PHACTR1: variants seen among roughly 807,000 people sequenced by gnomAD.
The protein encoded by PHACTR1 is phosphatase and actin regulator 1.
A neutral mutation model predicts 69.2 loss-of-function variants in PHACTR1; 16 were observed. That is an observed-to-expected ratio of 0.23 (90% CI 0.16 to 0.35). PHACTR1 has a LOEUF of 0.35. Among genes scored for constraint, PHACTR1 ranks in the 10% least tolerant of loss-of-function variants. The probability of loss-of-function intolerance (pLI) is 1.00; values close to 1 mark genes in which losing one functional copy is unlikely to be tolerated. For synonymous variants in PHACTR1, 312 were observed against 284.5 expected (o/e 1.10, Z -0.97); for missense variants, 510 against 734.7 (o/e 0.69, Z 3.54).
At chr6:13,226,739 A>ATTT (rs34995550) in intron 8 of PHACTR1, among the ~76,000 whole-genome samples, 1 of 141,296 alleles carries the variant, frequency 7.1e-6, no homozygotes, top group Non-Finnish European at 1.5e-5. Context: ...ACTTGTATAG[A>ATTT]TTTTTTTTTT....
intron 4 of PHACTR1, among the ~76,000 whole-genome samples, chr6:12,827,023 C>T (rs1776874644): frequency 6.6e-6 from 1 of 152,182 alleles, no homozygotes; most frequent in Admixed American, 6.5e-5. Flanking sequence ...CTGTGGGATA[C>T]CCACTTTCCC....
At chr6:13,054,134 C>A (rs912924154) in intron 5 of PHACTR1, among the ~76,000 whole-genome samples, 2 of 152,204 alleles carry the variant, frequency 1.3e-5, no homozygotes, top group South Asian at 2.1e-4. Context: ...GGATTTGAAT[C>A]CCAAATCTGA....
At chr6:13,022,722 A>T (rs1340279450) in intron 4 of PHACTR1, among the ~76,000 whole-genome samples, 1 of 151,862 alleles carries the variant, frequency 6.6e-6, no homozygotes, top group Non-Finnish European at 1.5e-5. Flanking sequence ...CTGTAAATAG[A>T]AAGTATCTCT....
chr6:13,049,747 A>T (rs1414941304), intron 4 of PHACTR1, among the ~76,000 whole-genome samples: 1 of 152,222 alleles, frequency 6.6e-6, no homozygotes, highest in African/African-American at 2.4e-5. Flanking sequence ...AATATAAAAA[A>T]TAGGTTATTT....
intron 6 of PHACTR1, 42 bp downstream of exon 6, chr6:13,160,326 G>T (rs1344974591): frequency 1.3e-6 from 2 of 1,535,806 alleles, no homozygotes; most frequent in Admixed American, 3.3e-5. Flanking sequence ...AAAGAGTCAT[G>T]CGTGGAATCT....
At chr6:13,042,166 A>G (rs1415602542) in intron 4 of PHACTR1, among the ~76,000 whole-genome samples, 1 of 152,254 alleles carries the variant, frequency 6.6e-6, no homozygotes, top group Non-Finnish European at 1.5e-5. Flanking sequence ...ATAGTCATAT[A>G]TAGAGAAACA....
chr6:13,214,949 A>G (rs1767441286), intron 8 of PHACTR1, among the ~76,000 whole-genome samples: 1 of 152,232 alleles, frequency 6.6e-6, no homozygotes, highest in Admixed American at 6.5e-5. Context: ...TGGGCCTTAA[A>G]AATGAAAAAA....
At chr6:13,184,071 G>T (rs1280343795) in intron 7 of PHACTR1, among the ~76,000 whole-genome samples, 1 of 152,234 alleles carries the variant, frequency 6.6e-6, no homozygotes, top group Non-Finnish European at 1.5e-5. Flanking sequence ...TTGATTTAAA[G>T]CATCCCTTGC....
intron 4 of PHACTR1, among the ~76,000 whole-genome samples, chr6:12,764,456 T>C (rs1399665552): frequency 6.6e-6 from 1 of 152,228 alleles, no homozygotes; most frequent in African/African-American, 2.4e-5. Context: ...TTGTGGTTTT[T>C]CTTGGTGACT....
At chr6:13,041,301 A>G (rs1429383770) in intron 4 of PHACTR1, among the ~76,000 whole-genome samples, 1 of 149,956 alleles carries the variant, frequency 6.7e-6, no homozygotes, top group East Asian at 2.0e-4. Flanking sequence ...TAATCAAAAC[A>G]AGTCCAAGTT....
At chr6:13,236,611 T>C (rs1772029467) in intron 10 of PHACTR1, among the ~76,000 whole-genome samples, 1 of 152,120 alleles carries the variant, frequency 6.6e-6, no homozygotes, top group Non-Finnish European at 1.5e-5. Context: ...TCTCCCTCTG[T>C]GTGTATCTCT....
At chr6:13,230,793 G>T (rs1770764674) in intron 10 of PHACTR1, among the ~76,000 whole-genome samples, 1 of 114,180 alleles carries the variant, frequency 8.8e-6, no homozygotes, top group South Asian at 2.5e-4. Context: ...AAAGTGGGCA[G>T]ACTGTTTGAG....
intron 4 of PHACTR1, among the ~76,000 whole-genome samples, chr6:13,004,336 G>A (rs1222174078): frequency 6.6e-6 from 1 of 151,934 alleles, no homozygotes; most frequent in African/African-American, 2.4e-5. Flanking sequence ...GGTGTGAGAT[G>A]GTATCTTACT....
intron 4 of PHACTR1, among the ~76,000 whole-genome samples, chr6:12,877,695 G>T (rs1461744211): frequency 2.0e-5 from 3 of 152,116 alleles, no homozygotes; most frequent in Non-Finnish European, 4.4e-5. Flanking sequence ...CTTCTTGATT[G>T]TCCATCTGGC....
chr6:13,132,515 T>C (rs1820624606), intron 5 of PHACTR1, among the ~76,000 whole-genome samples: 1 of 152,170 alleles, frequency 6.6e-6, no homozygotes, highest in African/African-American at 2.4e-5. Flanking sequence ...GTTTGTGACA[T>C]AGTGATGGTG....
chr6:13,069,710 C>T (rs1237844006), intron 5 of PHACTR1, among the ~76,000 whole-genome samples: 2 of 152,108 alleles, frequency 1.3e-5, no homozygotes, highest in East Asian at 1.9e-4. Context: ...AATGTCATAT[C>T]GGTTGACTGC....
chr6:12,947,659 T>C (rs566849181), intron 4 of PHACTR1, among the ~76,000 whole-genome samples: 13 of 152,216 alleles, frequency 8.5e-5, no homozygotes, highest in South Asian at 8.3e-4. Flanking sequence ...GGGAAAGAAA[T>C]GGTAGATCTT....
intron 5 of PHACTR1, among the ~76,000 whole-genome samples, chr6:13,055,416 A>T (rs2127740247): frequency 6.6e-6 from 1 of 152,338 alleles, no homozygotes; most frequent in East Asian, 1.9e-4. Context: ...TACTTAGGTC[A>T]TTGTCTCAGA....
chr6:12,901,150 C>T (rs1039718507), intron 4 of PHACTR1, among the ~76,000 whole-genome samples: 2 of 152,126 alleles, frequency 1.3e-5, no homozygotes, highest in African/African-American at 4.8e-5. Context: ...GTGAGGCAAA[C>T]CATGGGCTGA....
Sources: allele counts gnomAD v4.1 joint callset (sites outside exome capture counted in the v4.1 genomes callset), GRCh38; gene constraint gnomAD v4.1.1; transcripts MANE v1.5; gene names NCBI Gene and HGNC (gene_info 2026-07-23, HGNC 2026-07-21).